PDP1: variants seen among roughly 807,000 people sequenced by gnomAD.
PDP1 encodes pyruvate dehyrogenase phosphatase catalytic subunit 1.
PDP1 carries 14 observed loss-of-function variants against 37.1 expected under a neutral mutation model. The observed-to-expected ratio is 0.38, with a 90% CI of 0.25 to 0.59. The LOEUF is 0.59. PDP1 is among the 20% of genes least tolerant of loss of function. PDP1 has a pLI of 0.67. For synonymous variants in PDP1, 251 were observed against 243.3 expected (o/e 1.03, Z -0.29); for missense variants, 544 against 655.3 (o/e 0.83, Z 1.85).
At chr8:93,920,753 A>T in intron 1 of PDP1, 1 of 884,140 alleles carries the variant, frequency 1.1e-6, no homozygotes, top group Non-Finnish European at 1.4e-6. Context: ...GTGAGAGAAA[A>T]CATTTTTGGT....
chr8:93,922,756 A>G lies in PDP1; in HGVS notation c.697A>G (p.Lys233Glu), dbSNP rs1236640497. Reference protein sequence around the residue: ...NTGESTDIDVKEALINAFKRL... With the variant: ...NTGESTDIDVEEALINAFKRL... ...TGGTGAGTCGACTGATATTGATGTT[A>G]AGGAGGCTCTAATTAATGCCTTCAA... The change falls in exon 2 of 2, where the codon AAG becomes GAG. Residue 233 changes from lysine to glutamate, a missense_variant. Around this residue, in one of 5 missense-constraint regions of PDP1, gnomAD observed 342 missense variants for 414.0 expected, o/e 0.83. Transcript: ENST00000297598. This position sits in a 1 kb window ranked among gnomAD's most constrained non-coding sequence, Gnocchi z 4.0. The G allele has an allele frequency of 6.2e-7, 1 of 1,614,044 alleles. No homozygotes were observed. The highest frequency in any genetic ancestry group is 1.3e-5 in the African/African-American group (1 of 74,930).
rs565409416 is a variant in PDP1 at position 93,925,222 on chromosome 8, C to T, written c.*1549C>T. 2.4e-5 allele frequency: 4 copies of T among 166,978 alleles called. No individual in the cohort carries two copies. In the Admixed American group the frequency reaches 2.6e-4, roughly 11 times the overall value. 10.3% of individuals were successfully genotyped at this position (166,978 alleles called of 1,614,324 possible). ...GGATACTGAATCAGTGTACTATTGG[C>T]TGCAGAATTTGTTTCAATTGAAAAT... On this transcript the variant is annotated 3_prime_UTR_variant, in exon 2 of 2. Transcript: ENST00000297598.
intron 1 of PDP1, among the ~76,000 whole-genome samples, chr8:93,919,614 T>TC (rs1381595078): frequency 2.4e-5 from 3 of 124,722 alleles, no homozygotes; most frequent in Non-Finnish European, 3.4e-5. Flanking sequence ...CAACCCTCCC[T>TC]CCCCCCCACA....
At position 93,922,595 on chromosome 8, in the gene PDP1, C is replaced by G. The variant is rs778196214; in HGVS notation, c.536C>G (p.Ala179Gly). Residue 179 changes from alanine (A) to glycine (G), a missense_variant, in exon 2 of 2, where the codon GCA becomes GGA. Around this residue, in one of 5 missense-constraint regions of PDP1, gnomAD observed 342 missense variants for 414.0 expected, o/e 0.83. Transcript: ENST00000297598. The surrounding 1 kb of genome is among the most constrained non-coding windows in gnomAD (Gnocchi z 4.0). ...PHETLLEIEN[A>G]VESGRALLPI... ...GAGACTTTGCTAGAGATTGAAAATGCAGTGGAGAGCGGCCGGGCACTGCTA... is the reference window on the plus strand; with the variant it reads ...GAGACTTTGCTAGAGATTGAAAATGGAGTGGAGAGCGGCCGGGCACTGCTA... 2 of 1,614,070 alleles carry G rather than the reference C, an allele frequency of 1.2e-6. No individual in the cohort carries two copies. The highest frequency in any genetic ancestry group is 2.2e-5 in the East Asian group (1 of 44,872).
chr8:93,917,703 C>T (rs1810119307), intron 1 of PDP1: 5 of 1,023,990 alleles, frequency 4.9e-6, no homozygotes, highest in Non-Finnish European at 7.1e-6. Context: ...TTCTCTCCAC[C>T]CCTTTATCCC....
At position 93,922,820 on chromosome 8, in the gene PDP1, G is replaced by T. The variant is rs939189186; in HGVS notation, c.761G>T (p.Gly254Val). ...GACATCTCCTTGGAGGCGCAAGTTGGTGATCCTAATTCTTTTCTCAACTAC... is the reference window on the plus strand; with the variant it reads ...GACATCTCCTTGGAGGCGCAAGTTGTTGATCCTAATTCTTTTCTCAACTAC... ...DNDISLEAQVGDPNSFLNYLV... is the reference protein window; with the variant it reads ...DNDISLEAQVVDPNSFLNYLV... The change falls in exon 2 of 2, where the codon GGT (glycine) becomes GTT (valine). Residue 254 changes from glycine to valine, a missense_variant. Gly to Val is a moderately radical substitution (Grantham distance 109). Around this residue, in one of 5 missense-constraint regions of PDP1, gnomAD observed 342 missense variants for 414.0 expected, o/e 0.83. Transcript: ENST00000297598. This position sits in a 1 kb window ranked among gnomAD's most constrained non-coding sequence, Gnocchi z 4.0. The T allele has an allele frequency of 2.5e-6, 4 of 1,614,092 alleles. No homozygotes were observed. The African/African-American group carries it at 5.3e-5, about 22-fold the overall frequency.
chr8:93,919,217 A>G, intron 1 of PDP1: 1 of 685,522 alleles, frequency 1.5e-6, no homozygotes, highest in Non-Finnish European at 1.8e-6. Flanking sequence ...TTTGCAGTCA[A>G]TTACAAAAGT....
chr8:93,921,015 A>G, intron 1 of PDP1: 1 of 984,718 alleles, frequency 1.0e-6, no homozygotes, highest in Non-Finnish European at 1.2e-6. Context: ...ATTAAGTTCT[A>G]GGACTGAAAC....
chr8:93,920,999 A>G (rs1006292748), intron 1 of PDP1: 61 of 983,928 alleles, frequency 6.2e-5, no homozygotes, highest in Non-Finnish European at 7.0e-5. Flanking sequence ...CATTGTTAGT[A>G]GGTAAATTAA....
chr8:93,919,123 T>G (rs1202127440), intron 1 of PDP1: 1 of 980,866 alleles, frequency 1.0e-6, no homozygotes, highest in Non-Finnish European at 1.2e-6. Context: ...AAAAATGTAG[T>G]GGAGAATTTG....
chr8:93,922,131 A>C lies in PDP1; in HGVS notation c.72A>C (p.Ala24=). Residue 24 remains alanine (A), a synonymous_variant, in exon 2 of 2, where the codon GCA becomes GCC. Transcript: ENST00000297598. This position sits in a 1 kb window ranked among gnomAD's most constrained non-coding sequence, Gnocchi z 4.0. ...AACTGAGCAGGATCTATGGCACTGC[A>C]TGTTACTGCCACCACAAACATCTCT... is the stretch of plus-strand genomic sequence containing the variant. ...NCELSRIYGT[A]CYCHHKHLCC... is the part of the protein sequence containing the mutation. 6.2e-7 allele frequency: 1 copy of C among 1,613,946 alleles called. No homozygotes were observed. Among genetic ancestry groups the C allele is most frequent in the Non-Finnish European group, 8.5e-7 (1 of 1,179,812 alleles).
rs1388225438 is a variant in PDP1, at chr8:93,917,474, G to A, written c.-45+395G>A. Among the ~76,000 whole-genome samples, 8 of 151,806 alleles carry A rather than the reference G, an allele frequency of 5.3e-5. No homozygotes were observed. The East Asian group carries it at 1.2e-3, about 22-fold the overall frequency. ...CCCGCTGGCAGCCTGACACCGGCCG[G>A]CCCCTGTTCGTCTGGACTGAAACGG... On this transcript the variant is annotated intron_variant, in intron 1 of 1. Transcript: ENST00000297598.
Position 93,922,556 on chromosome 8 carries a change from C to T in PDP1, c.497C>T (p.Ser166Phe). The change falls in exon 2 of 2, where the codon TCT becomes TTT. Residue 166 changes from serine to phenylalanine, a missense_variant. Around this residue, in one of 5 missense-constraint regions of PDP1, gnomAD observed 342 missense variants for 414.0 expected, o/e 0.83. Coordinates refer to ENST00000297598, the MANE Select transcript of PDP1 (RefSeq NM_018444.4). The surrounding 1 kb of genome is among the most constrained non-coding windows in gnomAD (Gnocchi z 4.0). ...AGACTCTTTTATTATATTGCTGTCTCTTTGTTACCCCATGAGACTTTGCTA... is the reference window on the plus strand; with the variant it reads ...AGACTCTTTTATTATATTGCTGTCTTTTTGTTACCCCATGAGACTTTGCTA... ...SERLFYYIAV[S>F]LLPHETLLEI... 1 of 1,613,996 alleles carries T rather than the reference C, an allele frequency of 6.2e-7. No individual in the cohort carries two copies. Among genetic ancestry groups the T allele is most frequent in the Non-Finnish European group, 8.5e-7 (1 of 1,180,022 alleles).
chr8:93,920,395 T>C (rs1335294473), intron 1 of PDP1, among the ~76,000 whole-genome samples: 1 of 152,264 alleles, frequency 6.6e-6, no homozygotes, highest in Non-Finnish European at 1.5e-5. Flanking sequence ...TTTTATTTTC[T>C]GTGTTCCTTT....
chr8:93,923,199 A>G lies in PDP1; in HGVS notation c.1140A>G (p.Glu380=). 1 of 1,614,144 alleles carries G rather than the reference A, an allele frequency of 6.2e-7. No homozygotes were observed. Among genetic ancestry groups the G allele is most frequent in the Non-Finnish European group, 8.5e-7 (1 of 1,179,968 alleles). The change falls in exon 2 of 2, where the codon GAA becomes GAG. Residue 380 remains glutamate, a synonymous_variant. Coordinates refer to ENST00000297598, the MANE Select transcript of PDP1 (RefSeq NM_018444.4). The surrounding 1 kb of genome is among the most constrained non-coding windows in gnomAD (Gnocchi z 4.3). ...ESGPDQLNDN[E]YTKFIPPNYH... The stretch of plus-strand genomic sequence containing the variant: ...GCCCAGACCAGTTGAATGACAATGA[A>G]TATACCAAGTTTATTCCTCCTAATT...
At chr8:93,919,033 C>T (rs1810175459) in intron 1 of PDP1, 2 of 324,444 alleles carry the variant, frequency 6.2e-6, no homozygotes, top group Non-Finnish European at 8.9e-6. Flanking sequence ...TACTAAGCCT[C>T]TGCATAACTG....
chr8:93,919,621 C>A lies in PDP1; in HGVS notation c.-44-2395C>A, dbSNP rs961657059. Among the ~76,000 whole-genome samples, 8 of 151,726 alleles carry A rather than the reference C, an allele frequency of 5.3e-5. No homozygotes were observed. The Middle Eastern group carries it at 0.01, about 194-fold the overall frequency. Reference sequence around the variant, plus strand: ...GCATCTATCAACCCTCCCTCCCCCCCACACAAATAGTATTTTGAGTCAGTT... The same window carrying A: ...GCATCTATCAACCCTCCCTCCCCCCAACACAAATAGTATTTTGAGTCAGTT... On this transcript the variant is annotated intron_variant, in intron 1 of 1. Coordinates refer to ENST00000297598, the MANE Select transcript of PDP1 (RefSeq NM_018444.4).
chr8:93,922,974 G>A lies in PDP1; in HGVS notation c.915G>A (p.Trp305Ter), dbSNP rs1433093409. The change falls in exon 2 of 2, where the codon TGG becomes TGA. Residue 305 changes from tryptophan to a stop codon, truncating the protein, a stop_gained. Coordinates refer to ENST00000297598, the MANE Select transcript of PDP1 (RefSeq NM_018444.4). LOFTEE classifies it high-confidence loss of function. The surrounding 1 kb of genome is among the most constrained non-coding windows in gnomAD (Gnocchi z 4.0). Reference sequence around the variant, plus strand: ...GTGTGCAGGAAGAGGACGGCTCATGGTCAGCAGTCACGCTGTCTAATGACC... The same window carrying A: ...GTGTGCAGGAAGAGGACGGCTCATGATCAGCAGTCACGCTGTCTAATGACC... The part of the protein sequence containing the change: ...MLGVQEEDGS[W>*]SAVTLSNDHN... The A allele has an allele frequency of 6.2e-7, 1 of 1,614,060 alleles. No individual in the cohort carries two copies. Among genetic ancestry groups the A allele is most frequent in the Non-Finnish European group, 8.5e-7 (1 of 1,180,046 alleles).
chr8:93,923,526 C>A lies in PDP1; in HGVS notation c.1467C>A (p.Asn489Lys), dbSNP rs1176378785. Residue 489 changes from asparagine to lysine, a missense_variant, in exon 2 of 2, where the codon AAC (asparagine) becomes AAA (lysine). By Grantham distance (94) the Asn-to-Lys change is moderately conservative. This residue lies in a region of PDP1 where 159 missense variants were observed against 165.5 expected (regional missense o/e 0.96). Transcript: ENST00000297598. This position sits in a 1 kb window ranked among gnomAD's most constrained non-coding sequence, Gnocchi z 4.3. ...ATHLIRHAVG[N>K]NEFGTVDHER... ...ATCTCATTCGCCACGCTGTGGGCAA[C>A]AACGAGTTTGGGACTGTTGATCATG... 2 of 1,607,936 alleles carry A rather than the reference C, an allele frequency of 1.2e-6. No homozygotes were observed. Among genetic ancestry groups the A allele is most frequent in the Admixed American group, 1.7e-5 (1 of 59,928 alleles).
Sources: allele counts gnomAD v4.1 joint callset (sites outside exome capture counted in the v4.1 genomes callset), GRCh38; gene constraint gnomAD v4.1.1; regional missense constraint gnomAD v4.1.1; non-coding constraint Gnocchi (gnomAD v3.1); transcripts MANE v1.5; gene names NCBI Gene and HGNC (gene_info 2026-07-23, HGNC 2026-07-21).